The following RIF1 variants were observed in gnomAD, a reference collection of about 807,000 sequenced individuals.
RIF1 encodes replication timing regulatory factor 1, also known as telomere-associated protein RIF1.
RIF1 carries 45 observed loss-of-function variants against 247.1 expected under a neutral mutation model. The ratio of observed to expected loss-of-function variants is 0.18; its 90% CI spans 0.14 to 0.23. The LOEUF (loss-of-function observed/expected upper bound fraction) is 0.23, where lower values mean the gene tolerates loss of function less well. Among genes scored for constraint, RIF1 ranks in the 10% least tolerant of loss-of-function variants. The probability of loss-of-function intolerance (pLI) is 1.00; values close to 1 mark genes in which losing one functional copy is unlikely to be tolerated. For missense variants in RIF1, 2,967 were observed against 2,862.5 expected (o/e 1.04, Z -0.83); for synonymous variants, 1,087 against 978.8 (o/e 1.11, Z -2.06).
Position 151,462,257 on chromosome 2 carries a change from C to A in RIF1, c.3243C>A (p.Ala1081=). The A allele has an allele frequency of 6.3e-7, 1 of 1,580,212 alleles. No individual in the cohort carries two copies. The highest frequency in any genetic ancestry group is 8.6e-7 in the Non-Finnish European group (1 of 1,158,104). ...VLKTKRCDIP[A]MYNNLDVSQD... is the part of the protein sequence containing the mutation. ...TTTTTTTCAGGTGTGATATTCCTGCCATGTATAATAATCTGGATGTTTCCC... is the reference window on the plus strand; with the variant it reads ...TTTTTTTCAGGTGTGATATTCCTGCAATGTATAATAATCTGGATGTTTCCC... The change falls in exon 28 of 36, where the codon GCC becomes GCA. Residue 1081 remains alanine, a synonymous_variant. Transcript: ENST00000444746.
At chr2:151,485,831 A>G (rs1268334135), downstream of RIF1, 2 of 1,614,006 alleles carry the variant, frequency 1.2e-6, no homozygotes, top group Non-Finnish European at 1.7e-6. Flanking sequence ...CCATACATCC[A>G]GCCTTCATCA....
At chr2:151,508,600 G>A (rs1231275273), downstream of RIF1, among the ~76,000 whole-genome samples, 3 of 152,222 alleles carry the variant, frequency 2.0e-5, no homozygotes, top group Non-Finnish European at 2.9e-5. Flanking sequence ...TGCGGTCAGG[G>A]CTCCCAGCTA....
chr2:151,418,126 A>C (rs1374076720), intron 6 of RIF1, among the ~76,000 whole-genome samples: 1 of 152,206 alleles, frequency 6.6e-6, no homozygotes, highest in East Asian at 1.9e-4. Context: ...ACTGTGCACT[A>C]TTGCAGATTT....
chr2:151,469,571 A>T (rs1481243590), intron 33 of RIF1, 140 bp from the exon 34 acceptor site: 1 of 569,158 alleles, frequency 1.8e-6, no homozygotes, highest in East Asian at 3.3e-5. Context: ...TTTAAATTAC[A>T]CATACATGTG....
intron 3 of RIF1, 77 bp from the exon 4 acceptor site, chr2:151,414,746 C>A: frequency 1.1e-6 from 1 of 925,482 alleles, no homozygotes; most frequent in Non-Finnish European, 1.7e-6. Context: ...TATGCTTGTT[C>A]TGTAATCAAC....
downstream of RIF1, among the ~76,000 whole-genome samples, chr2:151,508,448 G>A (rs77622515): frequency 0.015 from 2,229 of 152,338 alleles, 78 homozygotes; most frequent in East Asian, 0.14. Context: ...TCCAGTGGCA[G>A]TAGTCCTCGC....
chr2:151,525,953 C>T, the RIF1 span: 1 of 1,611,480 alleles, frequency 6.2e-7, no homozygotes, highest in Non-Finnish European at 8.5e-7. Flanking sequence ...TGGTTGATCA[C>T]TTACATCACT....
chr2:151,512,862 G>T (rs1161441677), downstream of RIF1: 3 of 1,519,608 alleles, frequency 2.0e-6, no homozygotes, highest in Non-Finnish European at 2.7e-6. Flanking sequence ...CGAATAGTTG[G>T]GTAAATGTTT....
chr2:151,461,985 C>A (rs536196398), intron 27 of RIF1, among the ~76,000 whole-genome samples: 2 of 151,984 alleles, frequency 1.3e-5, no homozygotes, highest in Non-Finnish European at 2.9e-5. Flanking sequence ...GTGATCTTCC[C>A]GCATCAACCT....
At chr2:151,508,700 G>A (rs906669424), downstream of RIF1, among the ~76,000 whole-genome samples, 3 of 152,226 alleles carry the variant, frequency 2.0e-5, no homozygotes, top group African/African-American at 7.2e-5. Flanking sequence ...GACAGGACTG[G>A]CAGCTCTACC....
At chr2:151,441,397 C>T (rs1692272137) in intron 15 of RIF1, among the ~76,000 whole-genome samples, 1 of 151,858 alleles carries the variant, frequency 6.6e-6, no homozygotes, top group Non-Finnish European at 1.5e-5. Context: ...AGAAATAGCC[C>T]CAAGGTCTCT....
intron 9 of RIF1, chr2:151,491,800 AC>A: frequency 6.5e-7 from 1 of 1,534,970 alleles, no homozygotes; most frequent in African/African-American, 1.4e-5. Flanking sequence ...AGTGATCAGA[AC>A]AAGTGTTCTT....
chr2:151,514,532 A>T, the RIF1 span: 3 of 897,108 alleles, frequency 3.3e-6, no homozygotes, highest in Admixed American at 3.6e-5. Context: ...AAGGGTTCAC[A>T]GTTTAGTAAG....
rs184274632 is a variant in RIF1, at chr2:151,458,325, C to T, written c.2855+362C>T. On this transcript the variant is annotated intron_variant, in intron 24 of 35. Transcript: ENST00000444746. ...TGGGCTCACTGCAAGCTCTGCCTCCCGGGTTCAAGCGATTCTCCTGCCTCA... is the reference window on the plus strand; with the variant it reads ...TGGGCTCACTGCAAGCTCTGCCTCCTGGGTTCAAGCGATTCTCCTGCCTCA... 8.3e-3 allele frequency among the ~76,000 whole-genome samples: 1,248 copies of T among 150,916 alleles called. 16 individuals are homozygous for T. Among genetic ancestry groups the T allele is most frequent in the African/African-American group, 0.029 (1,186 of 41,066 alleles).
chr2:151,442,418 T>TA (rs1246331285), intron 16 of RIF1, among the ~76,000 whole-genome samples: 2 of 150,370 alleles, frequency 1.3e-5, no homozygotes, highest in East Asian at 3.9e-4. Flanking sequence ...AAGATGACCT[T>TA]ATGTAAAATT....
At position 151,456,630 on chromosome 2, in the gene RIF1, G is replaced by T; in HGVS notation, c.2652+10G>T. 8.2e-6 allele frequency: 12 copies of T among 1,455,516 alleles called. No individual in the cohort carries two copies. The highest frequency in any genetic ancestry group is 1.2e-5 in the South Asian group (1 of 82,962). 90.2% of individuals were successfully genotyped at this position (1,455,516 alleles called of 1,614,324 possible). On this transcript the variant is annotated intron_variant, in intron 23 of 35. Coordinates refer to ENST00000444746, the MANE Select transcript of RIF1 (RefSeq NM_018151.5). ...TTGTCTGAACAACAAGGTAAAAATA[G>T]ACAATTCTCCATAAACCATACTTTC...
chr2:151,519,770 TA>T, the RIF1 span: 1 of 1,572,062 alleles, frequency 6.4e-7, no homozygotes, highest in African/African-American at 1.4e-5. Flanking sequence ...GTATTTAACC[TA>T]ACAGCAAATG....
At chr2:151,531,751 C>T in the RIF1 span, 1 of 1,437,554 alleles carries the variant, frequency 7.0e-7, no homozygotes, top group Non-Finnish European at 9.7e-7. Flanking sequence ...TTGCAGATGC[C>T]CCCTGAGTTT....
Position 151,420,267 on chromosome 2 carries a change from A to G in RIF1, c.581A>G (p.His194Arg). The G allele has an allele frequency of 6.2e-7, 1 of 1,614,212 alleles. No homozygotes were observed. The highest frequency in any genetic ancestry group is 8.5e-7 in the Non-Finnish European group (1 of 1,180,026). Residue 194 changes from histidine to arginine, a missense_variant, in exon 7 of 36, where the codon CAT (histidine) becomes CGT (arginine). Physicochemically the swap from His to Arg is conservative, Grantham distance 29 (BLOSUM62 0). Transcript: ENST00000444746. ...AAACTGGTCATACCTTTAGTGGTTCATTCAGCACAAAAGGTACATTTGCGG... is the reference window on the plus strand; with the variant it reads ...AAACTGGTCATACCTTTAGTGGTTCGTTCAGCACAAAAGGTACATTTGCGG... ...WAKLVIPLVV[H>R]SAQKVHLRGA...
Sources: gnomAD v4.1 joint callset for allele counts (sites outside exome capture counted in the v4.1 genomes callset) on GRCh38, gnomAD v4.1.1 for gene constraint, MANE v1.5 for transcripts, NCBI Gene and HGNC (gene_info 2026-07-23, HGNC 2026-07-21) for gene names.